The following XIRP2 variants were observed in gnomAD, a reference collection of about 807,000 sequenced individuals.
XIRP2 encodes the protein xin actin binding repeat containing 2, also known as xin actin-binding repeat-containing protein 2.
XIRP2 carries 236 observed loss-of-function variants against 277.0 expected under a neutral mutation model. The observed-to-expected ratio is 0.85, with a 90% CI of 0.77 to 0.95. The LOEUF is 0.95. Among genes scored for constraint, XIRP2 ranks in the 40% least tolerant of loss-of-function variants. The pLI, the probability that XIRP2 is intolerant of heterozygous loss-of-function variation, is 0.00. For missense variants in XIRP2, 4,640 were observed against 4,157.5 expected (o/e 1.12, Z -3.19); for synonymous variants, 1,490 against 1,416.5 (o/e 1.05, Z -1.17).
chr2:167,126,129 G>T (rs534450893), intron 2 of XIRP2, among the ~76,000 whole-genome samples: 1 of 152,110 alleles, frequency 6.6e-6, no homozygotes, highest in South Asian at 2.1e-4. Context: ...AAGCTGCAAG[G>T]CTTCTTTCTT....
chr2:166,956,362 C>T (rs1416996943), intron 2 of XIRP2, among the ~76,000 whole-genome samples: 1 of 151,758 alleles, frequency 6.6e-6, no homozygotes, highest in East Asian at 2.0e-4. Flanking sequence ...TGAACTATAT[C>T]TTAGGAGGAC....
intron 2 of XIRP2, among the ~76,000 whole-genome samples, chr2:166,907,579 T>C (rs1574067584): frequency 1.3e-5 from 2 of 151,864 alleles, no homozygotes; most frequent in East Asian, 3.9e-4. Context: ...CCTCCTCAGG[T>C]AGGTTACCCA....
At chr2:167,148,554 C>T (rs764199193) in intron 3 of XIRP2, among the ~76,000 whole-genome samples, 25 of 151,480 alleles carry the variant, frequency 1.7e-4, no homozygotes, top group Non-Finnish European at 2.4e-4. Flanking sequence ...ATTAGAGTAT[C>T]GAAAACTGCA....
At chr2:167,005,809 A>G (rs751271806) in intron 2 of XIRP2, among the ~76,000 whole-genome samples, 6 of 151,558 alleles carry the variant, frequency 4.0e-5, no homozygotes, top group Admixed American at 6.6e-5. Context: ...AAAATTACAC[A>G]ACTGGCTGTT....
At chr2:166,997,050 G>A (rs1687240806) in intron 2 of XIRP2, among the ~76,000 whole-genome samples, 2 of 152,254 alleles carry the variant, frequency 1.3e-5, no homozygotes, top group South Asian at 4.1e-4. Flanking sequence ...TCTTTGTGTT[G>A]CTTATACTAT....
intron 9 of XIRP2, among the ~76,000 whole-genome samples, chr2:167,252,233 C>T (rs990756544): frequency 6.6e-6 from 1 of 151,904 alleles, no homozygotes; most frequent in African/African-American, 2.4e-5. Flanking sequence ...TTGGATAAAG[C>T]AACAGGTATA....
chr2:166,948,491 A>C (rs1482861223), intron 2 of XIRP2, among the ~76,000 whole-genome samples: 1 of 152,126 alleles, frequency 6.6e-6, no homozygotes, highest in Non-Finnish European at 1.5e-5. Flanking sequence ...AAGATACGTC[A>C]AACCCACTTT....
intron 2 of XIRP2, among the ~76,000 whole-genome samples, chr2:167,071,072 C>G (rs1005496498): frequency 6.6e-6 from 1 of 152,094 alleles, no homozygotes; most frequent in Non-Finnish European, 1.5e-5. Context: ...AACAGTTTTA[C>G]CAAAATTTAT....
At chr2:167,021,307 A>T (rs547554911) in intron 2 of XIRP2, among the ~76,000 whole-genome samples, 1 of 152,086 alleles carries the variant, frequency 6.6e-6, no homozygotes, top group Non-Finnish European at 1.5e-5. Flanking sequence ...TCCTTTGTCA[A>T]TAACTTCTAC....
Position 166,956,725 on chromosome 2 carries a change from A to G in XIRP2, c.408+52835A>G, listed in dbSNP as rs370059669. On this transcript the variant is annotated intron_variant, in intron 2 of 10. Coordinates refer to ENST00000409195, the MANE Select transcript of XIRP2 (RefSeq NM_152381.6). ...TTTCAAGATGGCTGGTCCTTGAGAG[A>G]CTAGTATTAGGCAGGAAGAAGGGGA... is the stretch of plus-strand genomic sequence containing the variant. 7.7e-4 allele frequency among the ~76,000 whole-genome samples: 117 copies of G among 151,818 alleles called. 1 individual carries two copies. Among genetic ancestry groups the G allele is most frequent in the African/African-American group, 2.7e-3 (114 of 41,462 alleles).
chr2:166,962,374 A>C (rs544674553), intron 2 of XIRP2, among the ~76,000 whole-genome samples: 17 of 151,826 alleles, frequency 1.1e-4, no homozygotes, highest in Admixed American at 2.0e-4. Context: ...TGAATGGCCC[A>C]TACAGCAGCT....
chr2:166,889,129 C>G (rs924087851), intron 1 of XIRP2, among the ~76,000 whole-genome samples: 2 of 152,132 alleles, frequency 1.3e-5, no homozygotes, highest in Admixed American at 6.5e-5. Context: ...TCAGCAGCTG[C>G]CTCCTGGCAC....
intron 2 of XIRP2, among the ~76,000 whole-genome samples, chr2:166,948,973 A>G (rs956437816): frequency 2.6e-5 from 4 of 151,932 alleles, no homozygotes; most frequent in African/African-American, 9.7e-5. Context: ...TCCTACCAGT[A>G]CTCCACCCTA....
intron 2 of XIRP2, among the ~76,000 whole-genome samples, chr2:166,936,464 GTT>G (rs1321934365): frequency 6.6e-6 from 1 of 152,156 alleles, no homozygotes; most frequent in Non-Finnish European, 1.5e-5. Flanking sequence ...TGCTTTTGGT[GTT>G]TTAGACATGA....
chr2:166,952,656 A>G (rs1178289611), intron 2 of XIRP2, among the ~76,000 whole-genome samples: 4 of 152,022 alleles, frequency 2.6e-5, no homozygotes, highest in East Asian at 3.9e-4. Context: ...GTTTCTTACT[A>G]TAACAACTTT....
In XIRP2 at chr2:167,258,442, G is replaced by T; in HGVS notation, c.*625G>T. Reference sequence around the variant, plus strand: ...CTGAAGGAAGAAAAGATGAAAAGAAGGAAGGAAGGAAGAATGTGCAAGATA... The same window carrying T: ...CTGAAGGAAGAAAAGATGAAAAGAATGAAGGAAGGAAGAATGTGCAAGATA... On this transcript the variant is annotated 3_prime_UTR_variant, in exon 11 of 11. Coordinates refer to ENST00000409195, the MANE Select transcript of XIRP2 (RefSeq NM_152381.6). 8 of 1,613,106 alleles carry T rather than the reference G, an allele frequency of 5.0e-6. No homozygotes were observed. Among genetic ancestry groups the T allele is most frequent in the Non-Finnish European group, 6.8e-6 (8 of 1,179,610 alleles).
In XIRP2 at chr2:167,243,708, G is replaced by A; in HGVS notation, c.2316G>A (p.Trp772Ter). 4 of 1,614,068 alleles carry A rather than the reference G, an allele frequency of 2.5e-6. No homozygotes were observed. Among genetic ancestry groups the A allele is most frequent in the Admixed American group, 1.7e-5 (1 of 60,016 alleles). Reference protein sequence around the residue: ...VEKGDVRTARWMFETQPLDTI... With the variant: ...VEKGDVRTAR ...AGGGAGATGTAAGAACAGCACGGTGGATGTTTGAAACACAGCCGTTGGACA... is the reference window on the plus strand; with the variant it reads ...AGGGAGATGTAAGAACAGCACGGTGAATGTTTGAAACACAGCCGTTGGACA... The change falls in exon 9 of 11, where the codon TGG becomes TGA. Residue 772 changes from tryptophan to a stop codon, truncating the protein, a stop_gained. Coordinates refer to ENST00000409195, the MANE Select transcript of XIRP2 (RefSeq NM_152381.6). LOFTEE classifies it high-confidence loss of function.
intron 3 of XIRP2, among the ~76,000 whole-genome samples, chr2:167,172,745 T>C (rs1046543742): frequency 6.6e-6 from 1 of 152,236 alleles, no homozygotes; most frequent in Non-Finnish European, 1.5e-5. Context: ...CTGTTCTTTT[T>C]TGAAGGTGCC....
At chr2:167,210,960 A>G (rs1694012733) in intron 4 of XIRP2, 65 bp downstream of exon 4, 5 of 1,577,612 alleles carry the variant, frequency 3.2e-6, no homozygotes, top group Non-Finnish European at 4.3e-6. Context: ...TTCCCTCTTT[A>G]TATTTGAAAT....
Sources: allele counts gnomAD v4.1 joint callset (sites outside exome capture counted in the v4.1 genomes callset), GRCh38; gene constraint gnomAD v4.1.1; transcripts MANE v1.5; gene names NCBI Gene and HGNC (gene_info 2026-07-23, HGNC 2026-07-21).